The following FCF1 variants were observed in gnomAD, a reference collection of about 807,000 sequenced individuals.
FCF1 encodes the protein rRNA-processing protein FCF1 homolog.
FCF1 carries 17 observed loss-of-function variants against 32.5 expected under a neutral mutation model. That is an observed-to-expected ratio of 0.52 (90% CI 0.36 to 0.78). The LOEUF (loss-of-function observed/expected upper bound fraction) is 0.78. Ranked by LOEUF, FCF1 falls within the 30% of genes least tolerant of loss-of-function variation. The pLI is 0.00. For missense variants in FCF1, 201 were observed against 241.1 expected, an observed-to-expected ratio of 0.83 and a Z score of 1.10; for synonymous variants, 84 against 78.4, an observed-to-expected ratio of 1.07 and a Z score of -0.38.
At chr14:74,725,979 C>G (rs2090573363) in intron 5 of FCF1, among the ~76,000 whole-genome samples, 1 of 148,618 alleles carries the variant, frequency 6.7e-6, no homozygotes, top group Non-Finnish European at 1.5e-5. Context: ...TGGCTTGTGC[C>G]TCTACGGAGT....
chr14:74,727,177 A>G (rs1248382456), intron 5 of FCF1, among the ~76,000 whole-genome samples: 2 of 152,180 alleles, frequency 1.3e-5, no homozygotes, highest in Non-Finnish European at 2.9e-5. Context: ...CTGAGGAATC[A>G]CCACACTGAC....
At chr14:74,732,665 T>C in intron 5 of FCF1, 66 bp from the exon 6 acceptor site, 2 of 1,039,454 alleles carry the variant, frequency 1.9e-6, no homozygotes, top group Non-Finnish European at 3.0e-6. Context: ...ATGTTACTTT[T>C]ATTGCATTAA....
intron 1 of FCF1, 41 bp downstream of exon 1, chr14:74,713,241 T>G (rs779620091): frequency 6.2e-6 from 10 of 1,614,174 alleles, no homozygotes; most frequent in Non-Finnish European, 7.6e-6. Context: ...ATCAGGCCAC[T>G]TTTTGGGTGG....
intron 4 of FCF1, among the ~76,000 whole-genome samples, chr14:74,717,461 T>C (rs543423393): frequency 4.6e-5 from 7 of 152,342 alleles, no homozygotes; most frequent in African/African-American, 1.7e-4. Flanking sequence ...AATAGTCTTC[T>C]CTACAGATCA....
intron 5 of FCF1, among the ~76,000 whole-genome samples, chr14:74,729,369 G>T (rs1208421252): frequency 1.3e-5 from 2 of 151,994 alleles, no homozygotes; most frequent in Non-Finnish European, 2.9e-5. Context: ...ATTTCTTCTA[G>T]ATTTTCTAGT....
At chr14:74,723,859 A>G (rs184622660) in intron 5 of FCF1, among the ~76,000 whole-genome samples, 1 of 152,256 alleles carries the variant, frequency 6.6e-6, no homozygotes, top group South Asian at 2.1e-4. Context: ...AATACAGAGA[A>G]TATCTTAATG....
chr14:74,716,267 A>G (rs976071526), intron 4 of FCF1, among the ~76,000 whole-genome samples, 168 bp downstream of exon 4: 2 of 152,256 alleles, frequency 1.3e-5, no homozygotes, highest in Non-Finnish European at 2.9e-5. Flanking sequence ...GTATAATGCA[A>G]ACTTGACTGG....
intron 6 of FCF1, 48 bp downstream of exon 6, chr14:74,732,866 G>A (rs1334049095): frequency 2.8e-5 from 28 of 1,010,610 alleles, no homozygotes; most frequent in Non-Finnish European, 4.0e-5. Flanking sequence ...AAAAAAAAAT[G>A]TAAACTATTA....
rs35508938 is a variant in FCF1, at chr14:74,725,480, C to CAA, written c.365+2164_365+2165dup. On this transcript the variant is annotated intron_variant, in intron 5 of 7. Transcript: ENST00000341162. ...GGGCTACAAAGCAAGACCCTGTCTC[C>CAA]AAAAAAAAAAAAAAAAAAAAAAAAA... Among the ~76,000 whole-genome samples, 50 of 40,006 alleles carry CAA rather than the reference C, an allele frequency of 1.2e-3. 2 individuals carry two copies. Among genetic ancestry groups the CAA allele is most frequent in the African/African-American group, 3.4e-3 (30 of 8,942 alleles). The allele number at this position is 40,006 out of a possible 152,430, so 26.2% of individuals were successfully genotyped here.
chr14:74,716,563 T>C (rs2090423902), intron 4 of FCF1, among the ~76,000 whole-genome samples: 1 of 152,222 alleles, frequency 6.6e-6, no homozygotes, highest in Admixed American at 6.5e-5. Flanking sequence ...TTCAGTTTGG[T>C]ATTTATTCGT....
chr14:74,727,465 T>C (rs1248307373), intron 5 of FCF1, among the ~76,000 whole-genome samples: 2 of 152,154 alleles, frequency 1.3e-5, no homozygotes, highest in East Asian at 3.8e-4. Flanking sequence ...TTTGTTTTTT[T>C]CTTGTAAATT....
intron 4 of FCF1, 50 bp downstream of exon 4, chr14:74,716,149 A>G: frequency 6.5e-7 from 1 of 1,544,440 alleles, no homozygotes; most frequent in Non-Finnish European, 8.9e-7. Flanking sequence ...GAATAATTAT[A>G]TTTATACAAA....
At chr14:74,731,118 A>G (rs1034916625) in intron 5 of FCF1, among the ~76,000 whole-genome samples, 3 of 152,114 alleles carry the variant, frequency 2.0e-5, no homozygotes, top group Non-Finnish European at 4.4e-5. Context: ...TGTAGTCATG[A>G]TCCTCCACAC....
chr14:74,713,392 C>A, intron 1 of FCF1, 93 bp from the exon 2 acceptor site: 3 of 1,534,164 alleles, frequency 2.0e-6, no homozygotes, highest in Non-Finnish European at 1.8e-6. Flanking sequence ...TTATTTGAGG[C>A]AAGAAGGGAA....
intron 4 of FCF1, among the ~76,000 whole-genome samples, chr14:74,720,721 C>T (rs2090489393): frequency 6.6e-6 from 1 of 152,156 alleles, no homozygotes; most frequent in Admixed American, 6.6e-5. Context: ...GAGCCAATAG[C>T]TTACAGCAGC....
intron 6 of FCF1, among the ~76,000 whole-genome samples, chr14:74,733,262 C>G (rs943926597): frequency 3.6e-4 from 55 of 152,204 alleles, no homozygotes; most frequent in African/African-American, 1.3e-3. Context: ...GATGCTGTTT[C>G]ACACATACCC....
In FCF1 at chr14:74,727,632, T is replaced by C. The variant is rs1268159500; in HGVS notation, c.365+4288T>C. Among the ~76,000 whole-genome samples, 10 of 152,150 alleles carry C rather than the reference T, an allele frequency of 6.6e-5. No individual in the cohort carries two copies. The East Asian group carries it at 1.4e-3, about 21-fold the overall frequency. The stretch of plus-strand genomic sequence containing the variant: ...TTTAATTAGATCCCATTTGTCAATT[T>C]TGGCTTTTGTTGCCATTGCTTTTGG... On this transcript the variant is annotated intron_variant, in intron 5 of 7. Coordinates refer to ENST00000341162, the MANE Select transcript of FCF1 (RefSeq NM_015962.5).
At chr14:74,723,468 G>A (rs2090533702) in intron 5 of FCF1, 124 bp downstream of exon 5, 2 of 689,802 alleles carry the variant, frequency 2.9e-6, no homozygotes, top group South Asian at 3.9e-5. Context: ...CATTTTTGGG[G>A]GGGTTGTTTT....
intron 5 of FCF1, among the ~76,000 whole-genome samples, chr14:74,725,370 C>T (rs994408330): frequency 2.0e-5 from 3 of 148,146 alleles, no homozygotes; most frequent in African/African-American, 7.5e-5. Context: ...TTCCCAGCTA[C>T]TCTGGAGGCT....
Sources: allele counts gnomAD v4.1 joint callset (sites outside exome capture counted in the v4.1 genomes callset), GRCh38; gene constraint gnomAD v4.1.1; transcripts MANE v1.5; gene names NCBI Gene and HGNC (gene_info 2026-07-23, HGNC 2026-07-21).